Variants in LYPLA1 observed in about 807,000 individuals in gnomAD.
LYPLA1 encodes the protein acyl-protein thioesterase 1.
A neutral mutation model predicts 34.0 loss-of-function variants in LYPLA1; 17 were observed. That is an observed-to-expected ratio of 0.50 (90% CI 0.34 to 0.75). The LOEUF is 0.75. LYPLA1 is among the 30% of genes least tolerant of loss of function. The pLI, the probability that LYPLA1 is intolerant of heterozygous loss-of-function variation, is 0.01. For synonymous variants in LYPLA1, 98 were observed against 100.8 expected, an observed-to-expected ratio of 0.97 and a Z score of 0.17; for missense variants, 203 against 288.8, an observed-to-expected ratio of 0.70 and a Z score of 2.15.
intron 2 of LYPLA1, among the ~76,000 whole-genome samples, chr8:54,076,077 A>G (rs781049511): frequency 1.3e-5 from 2 of 152,228 alleles, no homozygotes; most frequent in Non-Finnish European, 2.9e-5. Context: ...CCACAGCAGT[A>G]TAGTGGCACC....
At chr8:54,053,185 C>G (rs1171992390) in intron 6 of LYPLA1, 1 of 177,790 alleles carries the variant, frequency 5.6e-6, no homozygotes, top group Non-Finnish European at 1.2e-5. Flanking sequence ...ACCTCCGCCT[C>G]CTGAGTTCAA....
At chr8:54,062,375 G>A in intron 4 of LYPLA1, 51 bp from the exon 5 acceptor site, 1 of 1,195,990 alleles carries the variant, frequency 8.4e-7, no homozygotes, top group Non-Finnish European at 1.2e-6. Context: ...TATTATTGTA[G>A]TAAGTATATT....
intron 2 of LYPLA1, among the ~76,000 whole-genome samples, chr8:54,071,736 T>C (rs1384237513): frequency 6.6e-6 from 1 of 152,094 alleles, no homozygotes; most frequent in African/African-American, 2.4e-5. Context: ...AAATCAGAGA[T>C]GACACAAACA....
intron 5 of LYPLA1, among the ~76,000 whole-genome samples, chr8:54,060,349 T>C (rs1806509546): frequency 6.6e-6 from 1 of 152,128 alleles, no homozygotes; most frequent in Admixed American, 6.6e-5. Context: ...GATCTCGAAC[T>C]CTCGACCTCA....
intron 2 of LYPLA1, among the ~76,000 whole-genome samples, chr8:54,095,360 A>G (rs1809602978): frequency 1.3e-5 from 2 of 152,232 alleles, no homozygotes; most frequent in Non-Finnish European, 2.9e-5. Context: ...ATCATAAGAT[A>G]TTCGGCAACT....
At chr8:54,067,995 A>T (rs1199135418) in intron 2 of LYPLA1, among the ~76,000 whole-genome samples, 1 of 151,948 alleles carries the variant, frequency 6.6e-6, no homozygotes, top group African/African-American at 2.4e-5. Context: ...CCCCCTGTTA[A>T]ATACTTTTCT....
Position 54,053,088 on chromosome 8 carries a change from G to T in LYPLA1, c.361-332C>A, listed in dbSNP as rs543931503. 13 of 217,982 alleles carry T rather than the reference G, an allele frequency of 6.0e-5. No homozygotes were observed. The South Asian group carries it at 1.1e-3, about 18-fold the overall frequency. 13.5% of individuals were successfully genotyped at this position (217,982 alleles called of 1,614,324 possible). On this transcript the variant is annotated intron_variant, in intron 6 of 8. Transcript: ENST00000316963. ...ATAAAATCCAATCTGCTCTTAAATT[G>T]GTATTACTTTTTTTTTTTTTTTTGA...
chr8:54,073,008 G>C, intron 2 of LYPLA1: 1 of 401,366 alleles, frequency 2.5e-6, no homozygotes, highest in Non-Finnish European at 4.7e-6. Flanking sequence ...TTAATGATTA[G>C]AGAAATGCAA....
At chr8:54,069,073 A>G (rs1432414046) in intron 2 of LYPLA1, among the ~76,000 whole-genome samples, 1 of 152,252 alleles carries the variant, frequency 6.6e-6, no homozygotes, top group East Asian at 1.9e-4. Flanking sequence ...GCTGAACATC[A>G]TTAGTCATTA....
chr8:54,052,177 TA>T (rs1021543974), intron 7 of LYPLA1, among the ~76,000 whole-genome samples: 14 of 152,202 alleles, frequency 9.2e-5, no homozygotes, highest in Middle Eastern at 6.8e-3. Context: ...TTCTATATGT[TA>T]AAAAAAGTCC....
At chr8:54,059,203 G>C (rs1806423655) in intron 5 of LYPLA1, among the ~76,000 whole-genome samples, 1 of 151,964 alleles carries the variant, frequency 6.6e-6, no homozygotes, top group African/African-American at 2.4e-5. Flanking sequence ...CCAACTCTAG[G>C]ATTCTAACTC....
At chr8:54,069,812 G>A (rs1183188425) in intron 2 of LYPLA1, among the ~76,000 whole-genome samples, 1 of 151,540 alleles carries the variant, frequency 6.6e-6, no homozygotes, top group Non-Finnish European at 1.5e-5. Context: ...AAACAAAAAA[G>A]ACATCTCAAT....
At chr8:54,067,969 G>T (rs929782452) in intron 2 of LYPLA1, among the ~76,000 whole-genome samples, 1 of 151,990 alleles carries the variant, frequency 6.6e-6, no homozygotes, top group Non-Finnish European at 1.5e-5. Context: ...TTACAGGCGT[G>T]AGCCACCATG....
Position 54,048,076 on chromosome 8 carries a change from G to C in LYPLA1, c.682C>G (p.Pro228Ala). 6.2e-7 allele frequency: 1 copy of C among 1,609,268 alleles called. No homozygotes were observed. Among genetic ancestry groups the C allele is most frequent in the African/African-American group, 1.3e-5 (1 of 74,926 alleles). Residue 228 changes from proline to alanine, a missense_variant, in exon 9 of 9, where the codon CCA (proline) becomes GCA (alanine). This residue lies in a region of LYPLA1 where 123 missense variants were observed against 199.2 expected (regional missense o/e 0.62). Coordinates refer to ENST00000316963, the MANE Select transcript of LYPLA1 (RefSeq NM_006330.4). ...GCCTCTTAGTGACGTCAATCAATTG[G>C]AGGTAGGAGTTTATCAATGAATTGC... is the stretch of plus-strand genomic sequence containing the variant. ...VKQFIDKLLP[P>A]ID
intron 2 of LYPLA1, among the ~76,000 whole-genome samples, chr8:54,068,842 CTGT>C (rs1026667123): frequency 3.3e-5 from 5 of 152,152 alleles, no homozygotes; most frequent in African/African-American, 1.2e-4. Flanking sequence ...TCAAAATTAA[CTGT>C]TGTGTTTCAA....
At chr8:54,076,864 CAT>C (rs199904149) in intron 2 of LYPLA1, among the ~76,000 whole-genome samples, 1,807 of 152,210 alleles carry the variant, frequency 0.012, 39 homozygotes, top group African/African-American at 0.041. Context: ...TGTTAATAAA[CAT>C]GTGGGCAAAT....
chr8:54,049,839 A>G (rs1396770423), intron 8 of LYPLA1, among the ~76,000 whole-genome samples: 1 of 152,068 alleles, frequency 6.6e-6, no homozygotes, highest in Non-Finnish European at 1.5e-5. Context: ...ACTTCATACA[A>G]TCCTTTGCAT....
chr8:54,060,689 CTTTTT>C (rs761596145), intron 5 of LYPLA1, among the ~76,000 whole-genome samples: 6 of 123,466 alleles, frequency 4.9e-5, no homozygotes, highest in African/African-American at 1.4e-4. Context: ...TTTTTTCTTC[CTTTTT>C]TTTTTTTTTT....
At chr8:54,059,275 A>C in intron 5 of LYPLA1, among the ~76,000 whole-genome samples, 1 of 150,244 alleles carries the variant, frequency 6.7e-6, no homozygotes, top group African/African-American at 2.5e-5. Flanking sequence ...CAAATATCTC[A>C]CATCTTTTGA....
Sources: allele counts gnomAD v4.1 joint callset (sites outside exome capture counted in the v4.1 genomes callset), GRCh38; gene constraint gnomAD v4.1.1; regional missense constraint gnomAD v4.1.1; transcripts MANE v1.5; gene names NCBI Gene and HGNC (gene_info 2026-07-23, HGNC 2026-07-21).